The following TMEFF1 variants were observed in gnomAD, a reference collection of about 807,000 sequenced individuals.
The protein encoded by TMEFF1 is tomoregulin-1.
Under a neutral mutation model 47.5 loss-of-function variants are expected in TMEFF1, and 20 were observed. That is an observed-to-expected ratio of 0.42 (90% CI 0.30 to 0.61). The LOEUF is 0.61. TMEFF1 is among the 20% of genes least tolerant of loss of function. TMEFF1 has a pLI of 0.19. For missense variants in TMEFF1, 411 were observed against 471.1 expected, an observed-to-expected ratio of 0.87 and a Z score of 1.18; for synonymous variants, 162 against 166.3, an observed-to-expected ratio of 0.97 and a Z score of 0.20.
At chr9:100,557,384 G>A (rs1298570153) in intron 7 of TMEFF1, among the ~76,000 whole-genome samples, 1 of 152,008 alleles carries the variant, frequency 6.6e-6, no homozygotes, top group Non-Finnish European at 1.5e-5. Flanking sequence ...AAGGCCTTTA[G>A]TGTCTTCCTT....
chr9:100,532,326 T>G (rs1168306403), intron 5 of TMEFF1, among the ~76,000 whole-genome samples: 1 of 151,098 alleles, frequency 6.6e-6, no homozygotes. Flanking sequence ...GGGAGAAAAT[T>G]TTTGCAACCT....
chr9:100,523,002 T>G (rs558483746), intron 5 of TMEFF1, among the ~76,000 whole-genome samples: 1 of 152,338 alleles, frequency 6.6e-6, no homozygotes, highest in South Asian at 2.1e-4. Flanking sequence ...CTTCCCAAAG[T>G]GCTGGGATTG....
chr9:100,549,737 G>A (rs771989844), intron 6 of TMEFF1, among the ~76,000 whole-genome samples: 23 of 152,324 alleles, frequency 1.5e-4, no homozygotes, highest in African/African-American at 4.8e-4. Context: ...CAGGGTAACA[G>A]TGGTAGGAGA....
chr9:100,496,312 T>C (rs1401082068), intron 1 of TMEFF1, among the ~76,000 whole-genome samples: 1 of 152,194 alleles, frequency 6.6e-6, no homozygotes, highest in African/African-American at 2.4e-5. Context: ...CACGATCTCC[T>C]CACTGCAGCC....
intron 1 of TMEFF1, among the ~76,000 whole-genome samples, chr9:100,476,111 T>G (rs1347447044): frequency 1.3e-5 from 2 of 152,106 alleles, no homozygotes; most frequent in Non-Finnish European, 2.9e-5. Context: ...GTCAATAAAT[T>G]AAGCTGATCA....
chr9:100,501,038 C>A (rs1837747069), intron 2 of TMEFF1, among the ~76,000 whole-genome samples: 2 of 152,292 alleles, frequency 1.3e-5, no homozygotes, highest in South Asian at 4.1e-4. Flanking sequence ...CCCTCGAACT[C>A]TCTCCTTTCC....
chr9:100,550,713 C>G (rs545651495), intron 7 of TMEFF1, among the ~76,000 whole-genome samples: 26 of 152,314 alleles, frequency 1.7e-4, no homozygotes, highest in African/African-American at 4.8e-4. Context: ...TCTGTAACCT[C>G]CTCTAGGCTA....
At chr9:100,556,951 A>C (rs1838926648) in intron 7 of TMEFF1, among the ~76,000 whole-genome samples, 1 of 151,608 alleles carries the variant, frequency 6.6e-6, no homozygotes, top group Non-Finnish European at 1.5e-5. Flanking sequence ...GGTTCAAGTG[A>C]TTCTTGTGCC....
Position 100,576,565 on chromosome 9 carries a change from C to CA in TMEFF1, c.1109dup (p.His370GlnfsTer14), listed in dbSNP as rs1169001096. 6.2e-7 allele frequency: 1 copy of CA among 1,613,124 alleles called. No homozygotes were observed. The stretch of plus-strand genomic sequence containing the variant: ...ACGTCGACAGAAGCAAAACCTAGGT[C>CA]ATTTTACTTCAGATACGTCATCCAG... On this transcript the variant is annotated frameshift_variant, in exon 10 of 10. Coordinates refer to ENST00000374879, the MANE Select transcript of TMEFF1 (RefSeq NM_003692.5). LOFTEE classifies it high-confidence loss of function.
intron 1 of TMEFF1, among the ~76,000 whole-genome samples, chr9:100,482,084 C>T (rs941352608): frequency 6.6e-6 from 1 of 151,198 alleles, no homozygotes. Flanking sequence ...CTAGCCTGCA[C>T]AGTTTTTTAA....
intron 5 of TMEFF1, among the ~76,000 whole-genome samples, chr9:100,520,558 T>A (rs975506825): frequency 2.0e-5 from 3 of 152,248 alleles, no homozygotes; most frequent in African/African-American, 4.8e-5. Context: ...GTGCTTTTTT[T>A]AAATTTAGCC....
At chr9:100,493,758 G>A (rs1389867948) in intron 1 of TMEFF1, among the ~76,000 whole-genome samples, 3 of 152,104 alleles carry the variant, frequency 2.0e-5, no homozygotes, top group Non-Finnish European at 4.4e-5. Context: ...ATCATTGACA[G>A]GTAGTAGAAT....
At chr9:100,551,500 TGACTA>T (rs1212779330) in intron 7 of TMEFF1, among the ~76,000 whole-genome samples, 2 of 152,238 alleles carry the variant, frequency 1.3e-5, no homozygotes, top group Non-Finnish European at 2.9e-5. Flanking sequence ...TGATAGTACT[TGACTA>T]GAATAGGAAG....
chr9:100,561,951 T>C (rs191946513), intron 8 of TMEFF1, among the ~76,000 whole-genome samples: 186 of 152,178 alleles, frequency 1.2e-3, no homozygotes, highest in African/African-American at 4.4e-3. Context: ...GAGATGAAAA[T>C]GGAAAGGGCG....
chr9:100,568,357 TA>T (rs1473848432), intron 8 of TMEFF1, among the ~76,000 whole-genome samples: 2 of 152,188 alleles, frequency 1.3e-5, no homozygotes, highest in Non-Finnish European at 2.9e-5. Flanking sequence ...TGAAGGACAT[TA>T]TTTAAAAAAT....
At chr9:100,554,450 A>T (rs1838880189) in intron 7 of TMEFF1, among the ~76,000 whole-genome samples, 1 of 152,032 alleles carries the variant, frequency 6.6e-6, no homozygotes, top group Admixed American at 6.6e-5. Context: ...ATCAGGGGAA[A>T]AGGGAAGGAA....
intron 9 of TMEFF1, among the ~76,000 whole-genome samples, chr9:100,574,839 GT>G (rs1185274062): frequency 6.6e-6 from 1 of 152,138 alleles, no homozygotes; most frequent in Non-Finnish European, 1.5e-5. Context: ...AACTCTTTCA[GT>G]GCTATAATGC....
At chr9:100,497,320 C>CTTTTTTTTTTTGTTT (rs1837668656) in intron 1 of TMEFF1, among the ~76,000 whole-genome samples, 1 of 59,526 alleles carries the variant, frequency 1.7e-5, no homozygotes. Context: ...CCACTCATGT[C>CTTTTTTTTTTTGTTT]TTTTTTTTTT....
intron 8 of TMEFF1, among the ~76,000 whole-genome samples, chr9:100,563,758 C>T (rs1839067487): frequency 6.6e-6 from 1 of 152,152 alleles, no homozygotes. Flanking sequence ...TTCCCTGTGC[C>T]TAGTATAGGA....
Sources: allele counts gnomAD v4.1 joint callset (sites outside exome capture counted in the v4.1 genomes callset), GRCh38; gene constraint gnomAD v4.1.1; transcripts MANE v1.5; gene names NCBI Gene and HGNC (gene_info 2026-07-23, HGNC 2026-07-21).